The following CAMK2D variants were observed in gnomAD, a reference collection of about 807,000 sequenced individuals.
CAMK2D encodes the protein calcium/calmodulin dependent protein kinase II delta, also known as calcium/calmodulin-dependent protein kinase type II subunit delta.
Under a neutral mutation model 84.0 loss-of-function variants are expected in CAMK2D, and 37 were observed. The observed-to-expected ratio is 0.44, with a 90% CI of 0.34 to 0.58. The LOEUF is 0.58. Among genes scored for constraint, CAMK2D ranks in the 20% least tolerant of loss-of-function variants. CAMK2D has a pLI of 0.02. For missense variants in CAMK2D, 448 were observed against 652.5 expected (o/e 0.69, Z 3.41); for synonymous variants, 202 against 212.5 (o/e 0.95, Z 0.43).
intron 2 of CAMK2D, among the ~76,000 whole-genome samples, chr4:113,663,769 A>G (rs1350051703): frequency 3.3e-5 from 5 of 151,748 alleles, no homozygotes; most frequent in African/African-American, 1.2e-4. Flanking sequence ...AAGAATAAAA[A>G]GGAAGCAAAA....
intron 2 of CAMK2D, among the ~76,000 whole-genome samples, chr4:113,705,933 CA>C (rs2099451647): frequency 1.3e-5 from 2 of 152,110 alleles, no homozygotes; most frequent in Admixed American, 1.3e-4. Context: ...AAACCTGTAA[CA>C]CCATATAACT....
Position 113,453,062 on chromosome 4 carries a change from TGC to T in CAMK2D, c.*1481_*1482del. 6.6e-6 allele frequency: 1 copy of T among 152,218 alleles called. No homozygotes were observed. Among genetic ancestry groups the T allele is most frequent in the South Asian group, 2.1e-4 (1 of 4,832 alleles). The allele number at this position is 152,218 out of a possible 1,614,324, so 9.4% of individuals were successfully genotyped here. A position where few individuals can be genotyped will look rare whatever the true frequency, so the allele number is the denominator to read the frequency against. ...TAAAATAACAATGATGGAGATTCCA[TGC>T]ACTGTAAAGCACTTCAGGGAAGAGA... On this transcript the variant is annotated 3_prime_UTR_variant, in exon 21 of 21. Transcript: ENST00000511664.
chr4:113,623,461 G>A (rs557647286), intron 3 of CAMK2D, among the ~76,000 whole-genome samples: 2 of 152,118 alleles, frequency 1.3e-5, no homozygotes, highest in East Asian at 3.9e-4. Flanking sequence ...TACATGCTGA[G>A]AAGTGTTGTT....
intron 4 of CAMK2D, among the ~76,000 whole-genome samples, chr4:113,599,896 AG>A (rs1328834428): frequency 6.6e-6 from 1 of 152,076 alleles, no homozygotes; most frequent in Non-Finnish European, 1.5e-5. Flanking sequence ...GAGGAAGAGG[AG>A]GAGGAGGAAG....
At chr4:113,542,608 G>A (rs186656676) in intron 6 of CAMK2D, among the ~76,000 whole-genome samples, 2 of 152,056 alleles carry the variant, frequency 1.3e-5, no homozygotes, top group East Asian at 1.9e-4. Context: ...CCAGCTACTC[G>A]GGAGGCTGAG....
intron 3 of CAMK2D, among the ~76,000 whole-genome samples, chr4:113,637,335 T>C (rs555475836): frequency 6.6e-6 from 1 of 152,352 alleles, no homozygotes; most frequent in Non-Finnish European, 1.5e-5. Context: ...ATGATTTTCC[T>C]ACAATTCTCA....
At chr4:113,697,506 AG>A (rs984413576) in intron 2 of CAMK2D, among the ~76,000 whole-genome samples, 17 of 152,246 alleles carry the variant, frequency 1.1e-4, no homozygotes, top group Middle Eastern at 3.4e-3. Context: ...TGTTGAATAA[AG>A]GAAATGCTAT....
At chr4:113,610,564 T>C (rs554572446) in intron 3 of CAMK2D, among the ~76,000 whole-genome samples, 2 of 152,272 alleles carry the variant, frequency 1.3e-5, no homozygotes, top group East Asian at 3.9e-4. Flanking sequence ...TTGGATCTCA[T>C]TCCTGGCCTC....
intron 10 of CAMK2D, among the ~76,000 whole-genome samples, chr4:113,514,679 C>CA (rs1177816573): frequency 1.3e-4 from 20 of 152,162 alleles, no homozygotes; most frequent in African/African-American, 4.8e-4. Flanking sequence ...ACTCTACTGT[C>CA]AGCTGCCAAA....
intron 6 of CAMK2D, among the ~76,000 whole-genome samples, chr4:113,540,991 G>A (rs547826501): frequency 6.6e-6 from 1 of 152,270 alleles, no homozygotes; most frequent in South Asian, 2.1e-4. Context: ...TCTGGTCTCA[G>A]TGTCAACAAC....
intron 2 of CAMK2D, among the ~76,000 whole-genome samples, chr4:113,747,115 T>C (rs2099606054): frequency 3.3e-5 from 5 of 151,836 alleles, no homozygotes; most frequent in Admixed American, 3.3e-4. Flanking sequence ...AAAATTCTTC[T>C]AACAGGGAAA....
chr4:113,739,797 T>C (rs1454506381), intron 2 of CAMK2D, among the ~76,000 whole-genome samples: 1 of 152,158 alleles, frequency 6.6e-6, no homozygotes, highest in Non-Finnish European at 1.5e-5. Context: ...TCCTGTTTTT[T>C]TCAACTTTTA....
chr4:113,472,029 T>C (rs545768271), intron 16 of CAMK2D, among the ~76,000 whole-genome samples: 1 of 152,290 alleles, frequency 6.6e-6, no homozygotes, highest in African/African-American at 2.4e-5. Flanking sequence ...GCTCTCCCTC[T>C]TCTGCCTGAA....
intron 4 of CAMK2D, among the ~76,000 whole-genome samples, chr4:113,562,440 T>A (rs1476893503): frequency 6.6e-6 from 1 of 152,236 alleles, no homozygotes; most frequent in East Asian, 1.9e-4. Flanking sequence ...AATTATTCAC[T>A]TATTCATGTA....
intron 2 of CAMK2D, among the ~76,000 whole-genome samples, chr4:113,730,914 G>A (rs544606807): frequency 2.0e-5 from 3 of 152,206 alleles, no homozygotes; most frequent in African/African-American, 7.2e-5. Flanking sequence ...TTATACAACG[G>A]CTATAGGACT....
intron 4 of CAMK2D, among the ~76,000 whole-genome samples, chr4:113,583,750 G>A (rs931156262): frequency 6.6e-6 from 1 of 152,136 alleles, no homozygotes; most frequent in Non-Finnish European, 1.5e-5. Context: ...TGTACTTACT[G>A]AAGTTATTTA....
rs192323433 is a variant in CAMK2D, at chr4:113,672,251, C to T, written c.161-10479G>A. On this transcript the variant is annotated intron_variant, in intron 2 of 20. Coordinates refer to ENST00000511664, the MANE Select transcript of CAMK2D (RefSeq NM_001321571.2). Reference sequence around the variant, plus strand: ...GAGTGACCCGCCATAGTAAAATGATCACTAAGTTGAAAGTCAAGGTAAAGA... The same window carrying T: ...GAGTGACCCGCCATAGTAAAATGATTACTAAGTTGAAAGTCAAGGTAAAGA... 2.1e-3 allele frequency among the ~76,000 whole-genome samples: 313 copies of T among 152,208 alleles called. 1 individual carries two copies. Among genetic ancestry groups the T allele is most frequent in the Non-Finnish European group, 1.9e-3 (127 of 67,998 alleles).
chr4:113,614,849 A>G lies in CAMK2D; in HGVS notation c.221-5643T>C, dbSNP rs546277802. Among the ~76,000 whole-genome samples, 3 of 152,310 alleles carry G rather than the reference A, an allele frequency of 2.0e-5. No homozygotes were observed. The East Asian group carries it at 5.8e-4, about 29-fold the overall frequency. Reference sequence around the variant, plus strand: ...TCAATATCATAAGCAAATTTAGCAGAAAAAAAGAATGAGTCTGACCTCAGA... The same window carrying G: ...TCAATATCATAAGCAAATTTAGCAGGAAAAAAGAATGAGTCTGACCTCAGA... On this transcript the variant is annotated intron_variant, in intron 3 of 20. Transcript: ENST00000511664.
At chr4:113,706,391 C>T (rs1593313431) in intron 2 of CAMK2D, among the ~76,000 whole-genome samples, 2 of 151,988 alleles carry the variant, frequency 1.3e-5, no homozygotes, top group East Asian at 3.9e-4. Flanking sequence ...TAGGACATTC[C>T]CTAAATAAAA....
Sources: allele counts gnomAD v4.1 joint callset (sites outside exome capture counted in the v4.1 genomes callset), GRCh38; gene constraint gnomAD v4.1.1; transcripts MANE v1.5; gene names NCBI Gene and HGNC (gene_info 2026-07-23, HGNC 2026-07-21).